SHROOM2: variants seen among roughly 807,000 people sequenced by gnomAD.
The protein encoded by SHROOM2 is shroom family member 2, also known as protein Shroom2.
SHROOM2 carries 33 observed loss-of-function variants against 75.9 expected under a neutral mutation model. That is an observed-to-expected ratio of 0.43 (90% CI 0.33 to 0.58). SHROOM2 has a LOEUF of 0.58. SHROOM2 is among the 20% of genes least tolerant of loss of function. The probability of loss-of-function intolerance (pLI) is 0.04; values close to 1 mark genes in which losing one functional copy is unlikely to be tolerated. For synonymous variants in SHROOM2, 655 were observed against 663.6 expected, an observed-to-expected ratio of 0.99 and a Z score of 0.20; for missense variants, 1,434 against 1,461.2, an observed-to-expected ratio of 0.98 and a Z score of 0.30.
At chrX:9,892,893 A>C (rs1049506906) in intron 3 of SHROOM2, among the ~76,000 whole-genome samples, 1 of 112,114 alleles carries the variant, frequency 8.9e-6, no homozygotes, top group Non-Finnish European at 1.9e-5. Context: ...AAAGCACTTA[A>C]CATCCTGGAT....
In SHROOM2 at chrX:9,873,677, C is replaced by T. The variant is rs771024837; in HGVS notation, c.191C>T (p.Ala64Val). The change falls in exon 2 of 10, where the codon GCG becomes GTG. Residue 64 changes from alanine to valine, a missense_variant. Physicochemically the swap from Ala to Val is moderately conservative, Grantham distance 64. Transcript: ENST00000380913. The stretch of plus-strand genomic sequence containing the variant: ...ATTGAAGAGGGCAGTAAAGCCGCGG[C>T]GGTCGACAAGTTACTGGCTGGAGAT... ...TKIEEGSKAA[A>V]VDKLLAGDEI... The T allele has an allele frequency of 4.1e-6, 5 of 1,211,411 alleles. No homozygotes were observed. The highest frequency in any genetic ancestry group is 1.8e-5 in the South Asian group (1 of 56,958).
At chrX:9,946,136 C>T (rs1384606214) in intron 9 of SHROOM2, among the ~76,000 whole-genome samples, 2 of 113,082 alleles carry the variant, frequency 1.8e-5, no homozygotes, top group African/African-American at 3.2e-5. Context: ...CACAGCACTG[C>T]GTCTTCTCCA....
chrX:9,815,434 ATGTGTGTGTGTGTGTGTGTGTG>A lies in SHROOM2; in HGVS notation c.165+28750_165+28771del, dbSNP rs56223508. On this transcript the variant is annotated intron_variant, in intron 1 of 9. Coordinates refer to ENST00000380913, the MANE Select transcript of SHROOM2 (RefSeq NM_001649.4). Reference sequence around the variant, plus strand: ...AACTAATAGGATAGATATACATATTATGTGTGTGTGTGTGTGTGTGTGTGTGTGTGTGTGTGTGTGTGTGTGT... The same window carrying A: ...AACTAATAGGATAGATATACATATTATGTGTGTGTGTGTGTGTGTGTGTGT... Among the ~76,000 whole-genome samples the A allele has an allele frequency of 9.0e-4, 80 of 88,712 alleles. No individual in the cohort carries two copies. The South Asian group carries it at 0.038, about 42-fold the overall frequency. 77.0% of individuals were successfully genotyped at this position (88,712 alleles called of 115,157 possible).
chrX:9,862,998 C>T (rs1399831009), intron 1 of SHROOM2, among the ~76,000 whole-genome samples: 1 of 111,274 alleles, frequency 9.0e-6, no homozygotes, highest in African/African-American at 3.3e-5. Context: ...TTGGCCAAGT[C>T]CTGAGGCCCC....
chrX:9,885,409 G>A (rs1439875418), intron 2 of SHROOM2, among the ~76,000 whole-genome samples: 1 of 110,167 alleles, frequency 9.1e-6, no homozygotes, highest in African/African-American at 3.3e-5. Context: ...AGCATGTAGG[G>A]GCTGAAGGTC....
At chrX:9,792,037 AAT>A (rs1458508635) in intron 1 of SHROOM2, among the ~76,000 whole-genome samples, 2 of 445 alleles carry the variant, frequency 4.5e-3, no homozygotes, top group East Asian at 0.03. Flanking sequence ...AATAGAATAG[AAT>A]AGAATAGAAT....
chrX:9,924,410 C>T (rs1327244261), intron 5 of SHROOM2, among the ~76,000 whole-genome samples: 1 of 112,243 alleles, frequency 8.9e-6, no homozygotes, highest in Non-Finnish European at 1.9e-5. Context: ...GGCTAGAGTG[C>T]AGTGGCATGA....
In SHROOM2 at chrX:9,848,042, T is replaced by C. The variant is rs769776696; in HGVS notation, c.166-25610T>C. On this transcript the variant is annotated intron_variant, in intron 1 of 9. Coordinates refer to ENST00000380913, the MANE Select transcript of SHROOM2 (RefSeq NM_001649.4). ...GCTTATATTCTCAGCAGGTCAATAC[T>C]CCCCATGTCTGAGGGCGAATGTTGT... 2.5e-3 allele frequency among the ~76,000 whole-genome samples: 281 copies of C among 111,769 alleles called. 2 individuals are homozygous for C. The highest frequency in any genetic ancestry group is 9.0e-3 in the African/African-American group (276 of 30,776).
chrX:9,833,169 C>T (rs761381470), intron 1 of SHROOM2, among the ~76,000 whole-genome samples: 4 of 111,841 alleles, frequency 3.6e-5, no homozygotes, highest in African/African-American at 9.7e-5. Flanking sequence ...TCCCTGAGCC[C>T]CTTCACTGTC....
intron 1 of SHROOM2, among the ~76,000 whole-genome samples, chrX:9,786,927 G>C (rs751021896): frequency 9.0e-6 from 1 of 111,528 alleles, no homozygotes; most frequent in African/African-American, 3.2e-5. Context: ...GCTCCTGCCC[G>C]GAGTCCCTTT....
Position 9,873,906 on chromosome X carries a change from G to A in SHROOM2, c.317+103G>A, listed in dbSNP as rs149561570. 107 of 870,988 alleles carry A rather than the reference G, an allele frequency of 1.2e-4. 1 individual carries two copies. The African/African-American group carries it at 1.7e-3, about 14-fold the overall frequency. 71.8% of individuals were successfully genotyped at this position (870,988 alleles called of 1,213,427 possible). A position where few individuals can be genotyped will look rare whatever the true frequency, so the allele number is the denominator to read the frequency against. ...CTGCCCACATCACTACAGAGATCTC[G>A]ATTGGGACATGCACTTAGAGTTATA... On this transcript the variant is annotated intron_variant, in intron 2 of 9. Transcript: ENST00000380913.
At chrX:9,801,837 T>C (rs755218592) in intron 1 of SHROOM2, among the ~76,000 whole-genome samples, 38 of 109,969 alleles carry the variant, frequency 3.5e-4, no homozygotes, top group Non-Finnish European at 6.3e-4. Flanking sequence ...GCACCTGTAG[T>C]CCAAGCTGCT....
At chrX:9,918,972 G>A (rs1406163033) in intron 5 of SHROOM2, among the ~76,000 whole-genome samples, 2 of 111,901 alleles carry the variant, frequency 1.8e-5, no homozygotes, top group Non-Finnish European at 3.8e-5. Context: ...GAGGAGCATG[G>A]GATTCAGAAG....
At chrX:9,839,281 C>T (rs1441813473) in intron 1 of SHROOM2, among the ~76,000 whole-genome samples, 1 of 110,274 alleles carries the variant, frequency 9.1e-6, no homozygotes, top group African/African-American at 3.4e-5. Context: ...GGCAGAGACG[C>T]GTTTTTTTAC....
chrX:9,844,245 C>G (rs765779304), intron 1 of SHROOM2, among the ~76,000 whole-genome samples: 2 of 111,848 alleles, frequency 1.8e-5, no homozygotes, highest in South Asian at 7.5e-4. Context: ...GGCATGGTGG[C>G]TCATGCCTGT....
intron 8 of SHROOM2, among the ~76,000 whole-genome samples, chrX:9,939,585 C>G (rs1461891540): frequency 8.9e-6 from 1 of 112,078 alleles, no homozygotes; most frequent in African/African-American, 3.2e-5. Flanking sequence ...CGTCTCTTTG[C>G]TGTTTCAATA....
At chrX:9,793,141 C>T (rs1428677408) in intron 1 of SHROOM2, among the ~76,000 whole-genome samples, 1 of 111,825 alleles carries the variant, frequency 8.9e-6, no homozygotes, top group Non-Finnish European at 1.9e-5. Context: ...ATCACTTCCC[C>T]CTCCCTAGAG....
rs1447559202 is a variant in SHROOM2, at chrX:9,895,294, G to A, written c.1386G>A (p.Gly462=). The change falls in exon 4 of 10, where the codon GGG becomes GGA. Residue 462 remains glycine (G), a synonymous_variant. Coordinates refer to ENST00000380913, the MANE Select transcript of SHROOM2 (RefSeq NM_001649.4). ...FQNDSPPQVR[G]LSSCDQKLGS... ...ACGACAGCCCTCCTCAGGTGAGGGGGCTCAGCAGCTGTGACCAGAAGCTGG... is the reference window on the plus strand; with the variant it reads ...ACGACAGCCCTCCTCAGGTGAGGGGACTCAGCAGCTGTGACCAGAAGCTGG... 1.0e-5 allele frequency: 12 copies of A among 1,176,346 alleles called. No individual in the cohort carries two copies. In the African/African-American group the frequency reaches 1.4e-4, roughly 14 times the overall value.
Position 9,946,975 on chromosome X carries a change from C to T in SHROOM2, c.*38C>T, listed in dbSNP as rs2084827122. Reference sequence around the variant, plus strand: ...CGGTGGAGGAGGGGCACGGGGCCTCCGAGCTCCAGCTCCGTTCCCAAGGAT... The same window carrying T: ...CGGTGGAGGAGGGGCACGGGGCCTCTGAGCTCCAGCTCCGTTCCCAAGGAT... On this transcript the variant is annotated 3_prime_UTR_variant, in exon 10 of 10. Transcript: ENST00000380913. 6 of 1,145,478 alleles carry T rather than the reference C, an allele frequency of 5.2e-6. No individual in the cohort carries two copies. Among genetic ancestry groups the T allele is most frequent in the South Asian group, 2.1e-5 (1 of 48,341 alleles). The allele number at this position is 1,145,478 out of a possible 1,213,427, so 94.4% of individuals were successfully genotyped here. A position where few individuals can be genotyped will look rare whatever the true frequency, so the allele number is the denominator to read the frequency against.
Sources: gnomAD v4.1 joint callset for allele counts (sites outside exome capture counted in the v4.1 genomes callset) on GRCh38, gnomAD v4.1.1 for gene constraint, MANE v1.5 for transcripts, NCBI Gene and HGNC (gene_info 2026-07-23, HGNC 2026-07-21) for gene names.